Variants in HMGN5 observed in about 807,000 individuals in gnomAD.
HMGN5 encodes the protein high mobility group nucleosome-binding domain-containing protein 5.
In HMGN5, 4 loss-of-function variants were observed where a neutral mutation model predicts 9.5. That is an observed-to-expected ratio of 0.42 (90% CI 0.21 to 0.96). The LOEUF (loss-of-function observed/expected upper bound fraction) is 0.96, where lower values mean the gene tolerates loss of function less well. Among genes scored for constraint, HMGN5 ranks in the 40% least tolerant of loss-of-function variants. HMGN5 has a pLI of 0.30. For synonymous variants in HMGN5, 55 were observed against 57.1 expected (o/e 0.96, Z 0.16); for missense variants, 192 against 187.5 (o/e 1.02, Z -0.14).
chrX:81,114,869 T>G lies in HMGN5; in HGVS notation c.629A>C (p.Glu210Ala), dbSNP rs1451305958. The G allele has an allele frequency of 2.6e-6, 3 of 1,160,831 alleles. No homozygotes were observed. Among genetic ancestry groups the G allele is most frequent in the Non-Finnish European group, 3.4e-6 (3 of 871,470 alleles). Residue 210 changes from glutamate to alanine, a missense_variant, in exon 7 of 7, where the codon GAG (glutamate) becomes GCG (alanine). By Grantham distance (107) the Glu-to-Ala change is moderately radical. Coordinates refer to ENST00000358130, the MANE Select transcript of HMGN5 (RefSeq NM_030763.3). Reference protein sequence around the residue: ...EDRKETGDGKENEDGKEKGDK... With the variant: ...EDRKETGDGKANEDGKEKGDK... ...TCCCTTCTCTTTTCCATCTTCATTC[T>G]CTTTTCCATCTCCTGTTTCTTTTCT...
At chrX:81,149,690 G>A (rs1394409028) in intron 1 of HMGN5, among the ~76,000 whole-genome samples, 1 of 111,861 alleles carries the variant, frequency 8.9e-6, no homozygotes, top group Non-Finnish European at 1.9e-5. Flanking sequence ...GACACACATA[G>A]CGTGAACATA....
chrX:81,201,597 T>C (rs1283580046), intron 1 of HMGN5, 140 bp downstream of exon 1: 3 of 112,030 alleles, frequency 2.7e-5, no homozygotes, highest in South Asian at 3.7e-4. Context: ...TAAGGAAACC[T>C]GAAACTTTCC....
chrX:81,170,416 T>G (rs1323819272), intron 1 of HMGN5, among the ~76,000 whole-genome samples: 1 of 112,047 alleles, frequency 8.9e-6, no homozygotes, highest in African/African-American at 3.2e-5. Context: ...TCCATTATCA[T>G]GTAGCCTGTG....
At chrX:81,152,705 T>C (rs1317184656) in intron 1 of HMGN5, among the ~76,000 whole-genome samples, 2 of 110,347 alleles carry the variant, frequency 1.8e-5, no homozygotes, top group South Asian at 3.9e-4. Context: ...CGTATGTTTA[T>C]TGTGGCACTA....
At chrX:81,117,742 G>T (rs1730427779) in intron 5 of HMGN5, among the ~76,000 whole-genome samples, 1 of 110,079 alleles carries the variant, frequency 9.1e-6, no homozygotes. Flanking sequence ...TTTTAATAAA[G>T]GATTTCATTT....
intron 1 of HMGN5, among the ~76,000 whole-genome samples, chrX:81,141,491 AAAG>A (rs2075329749): frequency 2.2e-4 from 24 of 108,221 alleles, no homozygotes; most frequent in East Asian, 3.0e-4. Context: ...AGAGAGAGAG[AAAG>A]AGAGAGAGAG....
rs185109856 is a variant in HMGN5 at position 81,188,483 on chromosome X, T to A, written c.-124+13254A>T. On this transcript the variant is annotated intron_variant, in intron 1 of 6. Coordinates refer to ENST00000358130, the MANE Select transcript of HMGN5 (RefSeq NM_030763.3). ...TCATCATTTAGTCTTTCTACTTTTT[T>A]TATATATATATACTTTAAGTTTTAG... Among the ~76,000 whole-genome samples, 629 of 109,257 alleles carry A rather than the reference T, an allele frequency of 5.8e-3. 8 individuals are homozygous for A. Among genetic ancestry groups the A allele is most frequent in the East Asian group, 0.045 (155 of 3,463 alleles). The allele number at this position is 109,257 out of a possible 115,157, so 94.9% of individuals were successfully genotyped here.
At chrX:81,160,296 TG>T (rs1569347508) in intron 1 of HMGN5, among the ~76,000 whole-genome samples, 1 of 112,077 alleles carries the variant, frequency 8.9e-6, no homozygotes, top group Non-Finnish European at 1.9e-5. Flanking sequence ...CAAGACCCTG[TG>T]GTAATGTCCA....
intron 1 of HMGN5, among the ~76,000 whole-genome samples, chrX:81,158,399 A>G (rs2075389134): frequency 8.9e-6 from 1 of 111,794 alleles, no homozygotes; most frequent in African/African-American, 3.3e-5. Flanking sequence ...TGTGGTTTTG[A>G]TTTGCATTTC....
chrX:81,181,294 T>G (rs1452812852), intron 1 of HMGN5, among the ~76,000 whole-genome samples: 2 of 111,446 alleles, frequency 1.8e-5, no homozygotes, highest in African/African-American at 6.5e-5. Context: ...ATTTTTAAAT[T>G]TTTTGGTTTT....
At chrX:81,118,864 T>C (rs2075261519) in intron 3 of HMGN5, 105 bp from the exon 4 acceptor site, 1 of 505,637 alleles carries the variant, frequency 2.0e-6, no homozygotes, top group Non-Finnish European at 3.3e-6. Context: ...ATAAATATTG[T>C]CATTAAGTAA....
chrX:81,157,570 A>G (rs1186005434), intron 1 of HMGN5, among the ~76,000 whole-genome samples: 6 of 111,415 alleles, frequency 5.4e-5, no homozygotes, highest in African/African-American at 2.0e-4. Context: ...CCTTGAAAGT[A>G]TTGGCGTCTC....
intron 5 of HMGN5, among the ~76,000 whole-genome samples, chrX:81,117,385 GCTGGGA>G (rs768668183): frequency 3.3e-3 from 341 of 104,693 alleles, no homozygotes; most frequent in African/African-American, 0.011. Context: ...CTCCCAAGCA[GCTGGGA>G]CTACAGGCAT....
rs1287007457 is a variant in HMGN5 at position 81,150,887 on chromosome X, C to G, written c.-123-29215G>C. Among the ~76,000 whole-genome samples the G allele has an allele frequency of 2.7e-5, 3 of 111,587 alleles. No individual in the cohort carries two copies. The Admixed American group carries it at 2.9e-4, about 11-fold the overall frequency. On this transcript the variant is annotated intron_variant, in intron 1 of 6. Transcript: ENST00000358130. ...AAAATCTAGAAGAAATGAACAAATTCCTAGACAAATACAACCTACAAAAAT... is the reference window on the plus strand; with the variant it reads ...AAAATCTAGAAGAAATGAACAAATTGCTAGACAAATACAACCTACAAAAAT...
intron 1 of HMGN5, among the ~76,000 whole-genome samples, chrX:81,158,883 GTA>G (rs1336955169): frequency 9.0e-6 from 1 of 111,293 alleles, no homozygotes; most frequent in Non-Finnish European, 1.9e-5. Context: ...TCATTACTGG[GTA>G]TATATCCAAA....
chrX:81,179,911 C>G (rs1298713424), intron 1 of HMGN5, among the ~76,000 whole-genome samples: 1 of 111,503 alleles, frequency 9.0e-6, no homozygotes, highest in African/African-American at 3.3e-5. Context: ...CATCTACAAC[C>G]ATCTGATCTT....
chrX:81,127,619 T>C, intron 1 of HMGN5, among the ~76,000 whole-genome samples: 1 of 111,571 alleles, frequency 9.0e-6, no homozygotes, highest in South Asian at 3.7e-4. Flanking sequence ...GCCTTACTTA[T>C]CATTTTATAA....
chrX:81,143,554 G>A (rs971791520), intron 1 of HMGN5, among the ~76,000 whole-genome samples: 1 of 112,291 alleles, frequency 8.9e-6, no homozygotes, highest in Non-Finnish European at 1.9e-5. Flanking sequence ...TGCCTCACCC[G>A]GGAAATGCAA....
At chrX:81,167,442 A>T (rs2075413950) in intron 1 of HMGN5, among the ~76,000 whole-genome samples, 1 of 108,653 alleles carries the variant, frequency 9.2e-6, no homozygotes, top group Admixed American at 9.8e-5. Flanking sequence ...TATCCAGCAA[A>T]CATATTTGTG....
Sources: gnomAD v4.1 joint callset for allele counts (sites outside exome capture counted in the v4.1 genomes callset) on GRCh38, gnomAD v4.1.1 for gene constraint, MANE v1.5 for transcripts, NCBI Gene and HGNC (gene_info 2026-07-23, HGNC 2026-07-21) for gene names.